Variants in RAF1 observed in about 807,000 individuals in gnomAD.
RAF1 encodes the protein Raf-1 proto-oncogene, serine/threonine kinase, also known as RAF proto-oncogene serine/threonine-protein kinase.
In RAF1, 27 loss-of-function variants were observed where a neutral mutation model predicts 81.1. The ratio of observed to expected loss-of-function variants is 0.33; its 90% CI spans 0.25 to 0.46. The LOEUF (loss-of-function observed/expected upper bound fraction) is 0.46, where lower values mean the gene tolerates loss of function less well. Ranked by LOEUF, RAF1 falls within the 20% of genes least tolerant of loss-of-function variation. RAF1 has a pLI of 1.00. For missense variants in RAF1, 598 were observed against 826.0 expected (o/e 0.72, Z 3.38); for synonymous variants, 298 against 294.0 (o/e 1.01, Z -0.14).
At chr3:12,624,470 T>C (rs1489628211) in intron 1 of RAF1, among the ~76,000 whole-genome samples, 3 of 152,164 alleles carry the variant, frequency 2.0e-5, no homozygotes, top group African/African-American at 4.8e-5. Flanking sequence ...AATATAAGCA[T>C]AGATCTAGCT....
At chr3:12,617,786 G>A (rs2059419625) in intron 2 of RAF1, among the ~76,000 whole-genome samples, 1 of 151,594 alleles carries the variant, frequency 6.6e-6, no homozygotes, top group Admixed American at 6.6e-5. Flanking sequence ...CCAGCTATTT[G>A]GGAGGCTGAG....
At chr3:12,590,427 C>A (rs1436937760) in intron 13 of RAF1, 1 of 83,590 alleles carries the variant, frequency 1.2e-5, no homozygotes, top group African/African-American at 3.1e-4. Context: ...AATGTTCAAG[C>A]GATTCTCCCT....
intron 13 of RAF1, chr3:12,589,156 T>G (rs2058423875): frequency 6.5e-6 from 1 of 152,788 alleles, no homozygotes; most frequent in African/African-American, 2.4e-5. Flanking sequence ...TACCCACCCT[T>G]AGGTCTTCCT....
At chr3:12,590,636 C>T in intron 13 of RAF1, 162 bp downstream of exon 12, 1 of 818,570 alleles carries the variant, frequency 1.2e-6, no homozygotes, top group Non-Finnish European at 2.0e-6. Flanking sequence ...GGAACCTGAA[C>T]AACTCATTCC....
intron 1 of RAF1, among the ~76,000 whole-genome samples, chr3:12,640,038 A>C (rs1046148553): frequency 2.6e-5 from 4 of 152,232 alleles, no homozygotes; most frequent in African/African-American, 9.6e-5. Flanking sequence ...CCAATGGAAC[A>C]GAACAGAGCC....
intron 1 of RAF1, among the ~76,000 whole-genome samples, chr3:12,642,707 C>T (rs1243814884): frequency 6.7e-6 from 1 of 149,986 alleles, no homozygotes; most frequent in Non-Finnish European, 1.5e-5. Context: ...CACACACACA[C>T]ACACACACAC....
In RAF1 at chr3:12,590,856, TCTC is replaced by T; in HGVS notation, c.1369_1371del (p.Glu457del). 6.2e-7 allele frequency: 1 copy of T among 1,614,006 alleles called. No individual in the cohort carries two copies. The highest frequency in any genetic ancestry group is 8.5e-7 in the Non-Finnish European group (1 of 1,179,880). On this transcript the variant is annotated inframe_deletion, in exon 13 of 18. Coordinates refer to ENST00000442415, the MANE Select transcript of RAF1 (RefSeq NM_001354689.3). ...ATTAGCTGGAACATCTGAAACTTGG[TCTC>T]CTGGACATGCAGGTGTTTGTAGAGG...
chr3:12,611,433 G>C (rs1352855872), intron 3 of RAF1, among the ~76,000 whole-genome samples: 3 of 152,128 alleles, frequency 2.0e-5, no homozygotes, highest in Non-Finnish European at 4.4e-5. Flanking sequence ...TGCCCAGGCT[G>C]GTCTTGAACT....
chr3:12,643,660 C>T (rs899701630), intron 1 of RAF1, among the ~76,000 whole-genome samples: 5 of 151,680 alleles, frequency 3.3e-5, no homozygotes, highest in South Asian at 4.2e-4. Flanking sequence ...CGCTTGAACC[C>T]GGAAGGCAGA....
chr3:12,646,949 T>C (rs1188222298), intron 1 of RAF1, among the ~76,000 whole-genome samples: 2 of 151,048 alleles, frequency 1.3e-5, no homozygotes, highest in Non-Finnish European at 3.0e-5. Context: ...CCTCCCAAAG[T>C]GCTAGGATTA....
intron 5 of RAF1, among the ~76,000 whole-genome samples, chr3:12,607,623 G>A (rs1181610474): frequency 6.6e-6 from 1 of 151,784 alleles, no homozygotes; most frequent in Non-Finnish European, 1.5e-5. Flanking sequence ...ACTCCACTGT[G>A]GGAGACAGAG....
chr3:12,604,399 A>G (rs2058963174), intron 6 of RAF1, 110 bp from the exon 7 acceptor site: 1 of 1,098,772 alleles, frequency 9.1e-7, no homozygotes, highest in South Asian at 1.4e-5. Context: ...CTCTACCTGT[A>G]CAACCTTTGA....
chr3:12,610,483 G>C (rs3773352), intron 3 of RAF1, among the ~76,000 whole-genome samples: 32,134 of 152,018 alleles, frequency 0.21, 3,648 homozygotes, highest in African/African-American at 0.29. Context: ...AACCAGTGCA[G>C]CCTTGGATGA....
Position 12,658,822 on chromosome 3 carries a change from G to A in RAF1, c.-27+4991C>T, listed in dbSNP as rs561832683. Among the ~76,000 whole-genome samples, 3 of 152,258 alleles carry A rather than the reference G, an allele frequency of 2.0e-5. No homozygotes were observed. The South Asian group carries it at 6.2e-4, about 32-fold the overall frequency. ...CAAAAAATGCTATGTACACTGATTG[G>A]AATGTGATGCCAATTAACATACTTT... is the stretch of plus-strand genomic sequence containing the variant. On this transcript the variant is annotated intron_variant, in intron 1 of 17. Coordinates refer to ENST00000442415, the MANE Select transcript of RAF1 (RefSeq NM_001354689.3).
At chr3:12,626,652 T>C (rs1223633321) in intron 1 of RAF1, among the ~76,000 whole-genome samples, 3 of 152,172 alleles carry the variant, frequency 2.0e-5, no homozygotes, top group Admixed American at 6.5e-5. Context: ...GATACTTTGG[T>C]AACAAAAAGT....
chr3:12,586,634 A>G (rs1391256721), intron 14 of RAF1, among the ~76,000 whole-genome samples: 1 of 152,186 alleles, frequency 6.6e-6, no homozygotes, highest in African/African-American at 2.4e-5. Context: ...TCACTGCTCA[A>G]GAGGCAAAAC....
In RAF1 at chr3:12,587,616, G is replaced by A; in HGVS notation, c.1452C>T (p.Ile484=). The change falls in exon 14 of 18, where the codon ATC becomes ATT. Residue 484 remains isoleucine, a synonymous_variant. Coordinates refer to ENST00000442415, the MANE Select transcript of RAF1 (RefSeq NM_001354689.3). Reference sequence around the variant, plus strand: ...TGTTGGATTTCATGTCTCTATGGATGATGTTCTTTGCATGCAAATAGCTGT... The same window carrying A: ...TGTTGGATTTCATGTCTCTATGGATAATGTTCTTTGCATGCAAATAGCTGT... 6.2e-7 allele frequency: 1 copy of A among 1,610,430 alleles called. No individual in the cohort carries two copies. The highest frequency in any genetic ancestry group is 8.5e-7 in the Non-Finnish European group (1 of 1,176,658).
chr3:12,657,435 A>G (rs2060730906), intron 1 of RAF1, among the ~76,000 whole-genome samples: 1 of 152,220 alleles, frequency 6.6e-6, no homozygotes, highest in African/African-American at 2.4e-5. Flanking sequence ...GACATCTGAC[A>G]TTATTACTTA....
intron 11 of RAF1, among the ~76,000 whole-genome samples, chr3:12,598,747 A>C (rs993743492): frequency 8.7e-5 from 12 of 138,020 alleles, no homozygotes; most frequent in African/African-American, 3.0e-4. Context: ...AAAAAAAAAA[A>C]AAAAAACCAC....
Sources: gnomAD v4.1 joint callset for allele counts (sites outside exome capture counted in the v4.1 genomes callset) on GRCh38, gnomAD v4.1.1 for gene constraint, MANE v1.5 for transcripts, NCBI Gene and HGNC (gene_info 2026-07-23, HGNC 2026-07-21) for gene names.